SI: variants seen among roughly 807,000 people sequenced by gnomAD.
SI encodes sucrase-isomaltase.
In SI, 235 loss-of-function variants were observed where a neutral mutation model predicts 253.3. That is an observed-to-expected ratio of 0.93 (90% CI 0.83 to 1.03). The LOEUF is 1.03. Ranked by LOEUF, SI falls within the 50% of genes least tolerant of loss-of-function variation. SI has a pLI of 0.00. For missense variants in SI, 2,442 were observed against 2,211.1 expected (o/e 1.10, Z -2.09); for synonymous variants, 819 against 712.0 (o/e 1.15, Z -2.39).
intron 20 of SI, among the ~76,000 whole-genome samples, chr3:165,038,821 A>C (rs2108215405): frequency 6.6e-6 from 1 of 152,160 alleles, no homozygotes; most frequent in East Asian, 1.9e-4. Flanking sequence ...TTATTTCCAA[A>C]ATTTAAAAAT....
At chr3:165,029,081 A>AAAAC in intron 25 of SI, among the ~76,000 whole-genome samples, 1 of 151,296 alleles carries the variant, frequency 6.6e-6, no homozygotes, top group Non-Finnish European at 1.5e-5. Context: ...TTAGCAGGAA[A>AAAAC]AAACAAACAA....
At chr3:165,025,144 C>T (rs1711843074) in intron 25 of SI, among the ~76,000 whole-genome samples, 1 of 151,124 alleles carries the variant, frequency 6.6e-6, no homozygotes, top group African/African-American at 2.4e-5. Context: ...TTGAACACTT[C>T]TCATCTATTC....
intron 32 of SI, 151 bp downstream of exon 32, chr3:165,015,801 A>G (rs751098150): frequency 2.0e-5 from 15 of 734,702 alleles, no homozygotes; most frequent in Non-Finnish European, 3.1e-5. Flanking sequence ...ATGCAAATAA[A>G]ATGAAGTGCT....
upstream of SI, among the ~76,000 whole-genome samples, chr3:165,080,275 C>G (rs1224987976): frequency 6.6e-6 from 1 of 151,932 alleles, no homozygotes; most frequent in Non-Finnish European, 1.5e-5. Context: ...GAAGTGAGAG[C>G]AAAGATTCTT....
In SI at chr3:165,046,352, A is replaced by T. The variant is rs530682128; in HGVS notation, c.1887+489T>A. Among the ~76,000 whole-genome samples, 11 of 152,022 alleles carry T rather than the reference A, an allele frequency of 7.2e-5. No homozygotes were observed. The South Asian group carries it at 2.3e-3, about 32-fold the overall frequency. ...TAGAGTTAGACTTCTCAGATATTTC[A>T]TGTCTACAATTCCTAGTACACATTT... On this transcript the variant is annotated intron_variant, in intron 16 of 47. Transcript: ENST00000264382.
chr3:164,994,501 A>G lies in SI; in HGVS notation c.4693-96T>C, dbSNP rs535912572. The G allele has an allele frequency of 1.3e-5, 17 of 1,266,746 alleles. No individual in the cohort carries two copies. In the African/African-American group the frequency reaches 2.1e-4, roughly 15 times the overall value. The allele number at this position is 1,266,746 out of a possible 1,614,324, so 78.5% of individuals were successfully genotyped here. On this transcript the variant is annotated intron_variant, in intron 40 of 47. Coordinates refer to ENST00000264382, the MANE Select transcript of SI (RefSeq NM_001041.4). ...TTGAAGAACTAAAAAGTAAGACATG[A>G]TATTAATTGATTGTCATGTGCTATG...
upstream of SI, among the ~76,000 whole-genome samples, chr3:165,080,910 A>C (rs1471140858): frequency 6.6e-6 from 1 of 151,984 alleles, no homozygotes; most frequent in Non-Finnish European, 1.5e-5. Context: ...TTAAAAAAAG[A>C]AAGTCTTAAA....
chr3:165,021,036 T>A (rs574827970), intron 27 of SI, among the ~76,000 whole-genome samples, 193 bp downstream of exon 27: 89 of 151,622 alleles, frequency 5.9e-4, no homozygotes, highest in African/African-American at 2.0e-3. Flanking sequence ...GATAAAATTG[T>A]GGGCCAATCC....
intron 25 of SI, among the ~76,000 whole-genome samples, chr3:165,026,046 T>C (rs1271573890): frequency 2.0e-5 from 3 of 151,386 alleles, no homozygotes; most frequent in African/African-American, 7.3e-5. Context: ...AATTACAGAA[T>C]GGATAACTAT....
chr3:165,088,261 C>T, the SI span, among the ~76,000 whole-genome samples: 1 of 151,864 alleles, frequency 6.6e-6, no homozygotes, highest in African/African-American at 2.4e-5. Flanking sequence ...CAGAAGAATC[C>T]ATTGAACTCA....
intron 17 of SI, among the ~76,000 whole-genome samples, chr3:165,041,885 G>T (rs1225836380): frequency 2.0e-5 from 3 of 152,058 alleles, no homozygotes; most frequent in African/African-American, 4.8e-5. Flanking sequence ...AGAACACCAT[G>T]CAGGCCTATT....
chr3:165,053,549 A>G (rs568434421), intron 13 of SI, among the ~76,000 whole-genome samples: 1 of 152,240 alleles, frequency 6.6e-6, no homozygotes, highest in Non-Finnish European at 1.5e-5. Context: ...GATCTTTGAA[A>G]TTATACTGCT....
chr3:165,050,332 C>T (rs1213176055), intron 13 of SI, among the ~76,000 whole-genome samples: 1 of 152,012 alleles, frequency 6.6e-6, no homozygotes, highest in Non-Finnish European at 1.5e-5. Flanking sequence ...AGAATGAAAG[C>T]TGTAAAAAGG....
At position 165,021,254 on chromosome 3, in the gene SI, G is replaced by A. The variant is rs1000661675; in HGVS notation, c.3229C>T (p.Arg1077Ter). 24 of 1,610,748 alleles carry A rather than the reference G, an allele frequency of 1.5e-5. No homozygotes were observed. The highest frequency in any genetic ancestry group is 1.9e-5 in the Non-Finnish European group (22 of 1,177,852). Residue 1077 changes from arginine to a stop codon, truncating the protein, a stop_gained, in exon 27 of 48, where the codon CGA becomes TGA. Transcript: ENST00000264382. LOFTEE classifies it high-confidence loss of function. ...ATGACTCTTCCACTGCTTCTCCGTC[G>A]AATCTGGATGCCAAAAGGATTTTCC... Reference protein sequence around the residue: ...IKENPFGIQIRRRSSGRVIWD... With the variant: ...IKENPFGIQI
intron 25 of SI, among the ~76,000 whole-genome samples, chr3:165,029,439 C>A: frequency 6.7e-6 from 1 of 149,818 alleles, no homozygotes; most frequent in South Asian, 2.1e-4. Context: ...GGTATCTACC[C>A]AGAGAAAAAG....
At chr3:165,078,247 A>C (rs1320117603) in intron 1 of SI, among the ~76,000 whole-genome samples, 186 bp downstream of exon 1, 1 of 151,592 alleles carries the variant, frequency 6.6e-6, no homozygotes, top group Non-Finnish European at 1.5e-5. Context: ...TATTTAAAAA[A>C]AAATTAGAAA....
rs1294570088 is a variant in SI at position 165,043,062 on chromosome 3, A to G, written c.2001T>C (p.Tyr667=). The change falls in exon 17 of 48, where the codon TAT becomes TAC. Residue 667 remains tyrosine, a synonymous_variant. Coordinates refer to ENST00000264382, the MANE Select transcript of SI (RefSeq NM_001041.4). ...PFSRNHNSDG[Y]EHQDPAFFGQ... ...ATGGAGAACAAGAGGCTCTTACTTC[A>G]TATCCGTCAGAATTATGGTTTCTGG... 3.2e-6 allele frequency: 5 copies of G among 1,581,568 alleles called. No individual in the cohort carries two copies. Among genetic ancestry groups the G allele is most frequent in the Admixed American group, 1.7e-5 (1 of 59,872 alleles).
At chr3:165,056,429 T>C (rs1369696681) in intron 12 of SI, among the ~76,000 whole-genome samples, 1 of 152,050 alleles carries the variant, frequency 6.6e-6, no homozygotes, top group African/African-American at 2.4e-5. Flanking sequence ...ACAAAGAAAG[T>C]ACCTTCCTAA....
chr3:165,052,481 C>T (rs1021895796), intron 13 of SI, among the ~76,000 whole-genome samples: 3 of 152,066 alleles, frequency 2.0e-5, no homozygotes, highest in African/African-American at 7.2e-5. Flanking sequence ...CATGGCAAAA[C>T]CCCGTCTCTA....
Sources: allele counts gnomAD v4.1 joint callset (sites outside exome capture counted in the v4.1 genomes callset), GRCh38; gene constraint gnomAD v4.1.1; transcripts MANE v1.5; gene names NCBI Gene and HGNC (gene_info 2026-07-23, HGNC 2026-07-21).